The following PCLAF variants were observed in gnomAD, a reference collection of about 807,000 sequenced individuals.
The protein encoded by PCLAF is PCNA-associated factor.
PCLAF carries 12 observed loss-of-function variants against 15.1 expected under a neutral mutation model. The ratio of observed to expected loss-of-function variants is 0.79; its 90% CI spans 0.51 to 1.29. The LOEUF (loss-of-function observed/expected upper bound fraction) is 1.29. PCLAF is among the 50% of genes most tolerant of loss of function. The pLI is 0.00. For missense variants in PCLAF, 116 were observed against 130.9 expected, an observed-to-expected ratio of 0.89 and a Z score of 0.56; for synonymous variants, 33 against 47.1, an observed-to-expected ratio of 0.70 and a Z score of 1.22.
In PCLAF at chr15:64,376,885, C is replaced by G. The variant is rs1007409399; in HGVS notation, c.148G>C (p.Gly50Arg). Residue 50 changes from glycine to arginine, a missense_variant, in exon 3 of 4, where the codon GGG becomes CGG. Gly to Arg is a moderately radical substitution (Grantham distance 125). Transcript: ENST00000300035. ...GTTGGGCGCACGCAAACGGGGTTCC[C>G]TCCTGCATATTTATTTTCAGCTGTA... ...SRKAENKYAGGNPVCVRPTPK... is the reference protein window; with the variant it reads ...SRKAENKYAGRNPVCVRPTPK... 2 of 1,613,492 alleles carry G rather than the reference C, an allele frequency of 1.2e-6. No homozygotes were observed. Among genetic ancestry groups the G allele is most frequent in the Non-Finnish European group, 1.7e-6 (2 of 1,179,846 alleles).
intron 3 of PCLAF, among the ~76,000 whole-genome samples, chr15:64,371,560 C>G (rs930657269): frequency 1.3e-5 from 2 of 152,142 alleles, no homozygotes; most frequent in African/African-American, 4.8e-5. Flanking sequence ...GCCGCCGTGC[C>G]CAGCCCACCG....
At chr15:64,377,491 ATATATATATATATATATATATATATAT>A (rs1899655416) in intron 2 of PCLAF, among the ~76,000 whole-genome samples, 3 of 18,398 alleles carry the variant, frequency 1.6e-4, no homozygotes, top group African/African-American at 2.1e-4. Context: ...AAAAAAAAAT[ATATATATATATATATATATATATATAT>A]ATATATATAT....
At chr15:64,372,483 G>GT (rs1899373675) in intron 3 of PCLAF, among the ~76,000 whole-genome samples, 1 of 151,870 alleles carries the variant, frequency 6.6e-6, no homozygotes, top group Non-Finnish European at 1.5e-5. Flanking sequence ...GCGTGGCGGC[G>GT]TGCGCCTGTA....
At chr15:64,373,543 G>A (rs1420613363) in intron 3 of PCLAF, 10 of 1,279,494 alleles carry the variant, frequency 7.8e-6, no homozygotes, top group Middle Eastern at 5.7e-4. Flanking sequence ...CAAGGAGACC[G>A]GCTGTAGGCT....
At position 64,369,326 on chromosome 15, in the gene PCLAF, A is replaced by C. The variant is rs1473220160; in HGVS notation, c.291-3251T>G. Among the ~76,000 whole-genome samples, 41 of 141,010 alleles carry C rather than the reference A, an allele frequency of 2.9e-4. No homozygotes were observed. In the Admixed American group the frequency reaches 3.3e-3, roughly 11 times the overall value. 92.5% of individuals were successfully genotyped at this position (141,010 alleles called of 152,430 possible). A position where few individuals can be genotyped will look rare whatever the true frequency, so the allele number is the denominator to read the frequency against. On this transcript the variant is annotated intron_variant, in intron 3 of 3. Transcript: ENST00000300035. ...CAGCGAGCTATGATCTCACCACTGC[A>C]CTCCAGCCTGAGTAACAGAGCAAAA...
rs570286672 is a variant in PCLAF, at chr15:64,379,202, C to T, written c.127+1756G>A. Among the ~76,000 whole-genome samples the T allele has an allele frequency of 4.6e-4, 70 of 152,116 alleles. 1 individual carries two copies. In the South Asian group the frequency reaches 0.013, roughly 29 times the overall value. ...TCTAATGAAATTTCATCAGGCCAGG[C>T]GTGGTGGCTCACGTCTGTAATCCCA... On this transcript the variant is annotated intron_variant, in intron 2 of 3. Coordinates refer to ENST00000300035, the MANE Select transcript of PCLAF (RefSeq NM_014736.6).
intron 3 of PCLAF, among the ~76,000 whole-genome samples, chr15:64,367,900 CTT>C (rs60369821): frequency 1.8e-4 from 27 of 149,680 alleles, no homozygotes; most frequent in South Asian, 2.1e-4. Flanking sequence ...TCAAAAACTA[CTT>C]TTTTTTTTTG....
At position 64,380,968 on chromosome 15, in the gene PCLAF, T is replaced by C. The variant is rs1338401449; in HGVS notation, c.117A>G (p.Ser39=). ...GAGGGCTCTTCTTACCTTTCCTCGA[T>C]GAAACTGATGTCGAATTAGTGGCAG... ...STSATNSTSV[S]SRKAENKYAG... is the part of the protein sequence containing the mutation. Residue 39 remains serine, a synonymous_variant, in exon 2 of 4, where the codon TCA becomes TCG. Transcript: ENST00000300035. The C allele has an allele frequency of 6.2e-7, 1 of 1,614,038 alleles. No homozygotes were observed. The highest frequency in any genetic ancestry group is 1.1e-5 in the South Asian group (1 of 91,076).
At chr15:64,370,253 T>G (rs1236017547) in intron 3 of PCLAF, among the ~76,000 whole-genome samples, 7 of 150,882 alleles carry the variant, frequency 4.6e-5, no homozygotes, top group Admixed American at 2.0e-4. Flanking sequence ...ATTTTTTTTT[T>G]TTTTTTTTTT....
chr15:64,377,752 T>TTG (rs1899669708), intron 2 of PCLAF, among the ~76,000 whole-genome samples: 4 of 96,692 alleles, frequency 4.1e-5, no homozygotes, highest in African/African-American at 1.6e-4. Flanking sequence ...CTGGTGTTTT[T>TTG]TTTTTTTTTT....
intron 3 of PCLAF, among the ~76,000 whole-genome samples, chr15:64,369,363 T>TAA (rs72110519): frequency 9.5e-5 from 9 of 94,696 alleles, no homozygotes; most frequent in African/African-American, 2.4e-4. Context: ...CCTGTCTCTT[T>TAA]AAAAAAAAAA....
At chr15:64,381,266 C>T in intron 1 of PCLAF, 60 bp downstream of exon 1, 3 of 1,595,768 alleles carry the variant, frequency 1.9e-6, no homozygotes, top group Non-Finnish European at 2.6e-6. Context: ...CGTCTGTCGC[C>T]CGTGGCCAGG....
At position 64,364,648 on chromosome 15, in the gene PCLAF, T is replaced by G. The variant is rs1348872561; in HGVS notation, c.*1382A>C. ...GTGTGTGCCACCATGCCAGGCTAAT[T>G]TTTTATTGTTCATATATAAATATAT... On this transcript the variant is annotated 3_prime_UTR_variant, in exon 4 of 4. Transcript: ENST00000300035. 2 of 151,574 alleles carry G rather than the reference T, an allele frequency of 1.3e-5. No homozygotes were observed. The highest frequency in any genetic ancestry group is 2.9e-5 in the Non-Finnish European group (2 of 67,924). 9.4% of individuals were successfully genotyped at this position (151,574 alleles called of 1,614,324 possible). A position where few individuals can be genotyped will look rare whatever the true frequency, so the allele number is the denominator to read the frequency against.
chr15:64,386,535 C>G (rs539261831), intron 1 of PCLAF, among the ~76,000 whole-genome samples: 10 of 152,128 alleles, frequency 6.6e-5, no homozygotes, highest in Admixed American at 2.0e-4. Context: ...GCTGCCCAGA[C>G]TGGTCCGGAA....
chr15:64,387,665 G>T, exon 1 of PCLAF: 8 of 1,412,292 alleles, frequency 5.7e-6, no homozygotes, highest in Non-Finnish European at 7.4e-6. Context: ...CTCGACTCCG[G>T]AGGGCACAAG....
chr15:64,381,364 C>T lies in PCLAF; in HGVS notation c.8G>A (p.Arg3Gln). 3 of 1,614,106 alleles carry T rather than the reference C, an allele frequency of 1.9e-6. No individual in the cohort carries two copies. The highest frequency in any genetic ancestry group is 2.5e-6 in the Non-Finnish European group (3 of 1,180,024). ...GCCTGGAACACTGTCTGCTTTAGTC[C>T]GCACCATGTTCAAACAAGAAGAGAG... MV[R>Q]TKADSVPGTY... The change falls in exon 1 of 4, where the codon CGG (arginine) becomes CAG (glutamine). Residue 3 changes from arginine (R) to glutamine (Q), a missense_variant. Physicochemically the swap from Arg to Gln is conservative, Grantham distance 43. Transcript: ENST00000300035.
intron 1 of PCLAF, 97 bp from the exon 2 acceptor site, chr15:64,381,135 C>T: frequency 7.7e-7 from 1 of 1,295,122 alleles, no homozygotes; most frequent in Non-Finnish European, 1.1e-6. Flanking sequence ...GCCTGGCGAT[C>T]CAGAACAGCA....
At chr15:64,373,463 G>T in intron 3 of PCLAF, 1 of 566,558 alleles carries the variant, frequency 1.8e-6, no homozygotes, top group Non-Finnish European at 2.7e-6. Flanking sequence ...TTAGTGTATG[G>T]GTTGGAGAAC....
upstream of PCLAF, chr15:64,382,799 AC>A (rs1214576940): frequency 8.1e-6 from 2 of 247,492 alleles, no homozygotes; most frequent in South Asian, 8.1e-5. Flanking sequence ...ACATGGTGAA[AC>A]CCAGTCTCTA....
Sources: allele counts gnomAD v4.1 joint callset (sites outside exome capture counted in the v4.1 genomes callset), GRCh38; gene constraint gnomAD v4.1.1; transcripts MANE v1.5; gene names NCBI Gene and HGNC (gene_info 2026-07-23, HGNC 2026-07-21).